Variants in SETBP1 observed in about 807,000 individuals in gnomAD.
SETBP1 encodes SET binding protein 1, also known as SET-binding protein.
SETBP1 carries 9 observed loss-of-function variants against 101.0 expected under a neutral mutation model. The observed-to-expected ratio is 0.09, with a 90% CI of 0.05 to 0.16. SETBP1 has a LOEUF of 0.16. Among genes scored for constraint, SETBP1 ranks in the 10% least tolerant of loss-of-function variants. The pLI is 1.00. For missense variants in SETBP1, 1,858 were observed against 2,033.8 expected (o/e 0.91, Z 1.66); for synonymous variants, 818 against 788.5 (o/e 1.04, Z -0.63).
At chr18:44,689,429 C>T (rs1323356311) in intron 1 of SETBP1, among the ~76,000 whole-genome samples, 1 of 152,126 alleles carries the variant, frequency 6.6e-6, no homozygotes, top group East Asian at 1.9e-4. Context: ...ACTCAATGTG[C>T]CTGTTATAAT....
chr18:45,003,717 A>G (rs1232768023), intron 4 of SETBP1, among the ~76,000 whole-genome samples: 1 of 152,068 alleles, frequency 6.6e-6, no homozygotes, highest in African/African-American at 2.4e-5. Flanking sequence ...CAGTAATCTG[A>G]AAGTCTTTTT....
chr18:44,974,436 C>T (rs1013958707), intron 4 of SETBP1, among the ~76,000 whole-genome samples: 6 of 152,118 alleles, frequency 3.9e-5, no homozygotes, highest in African/African-American at 1.4e-4. Flanking sequence ...TGCAGGACTG[C>T]AGAAAGGCAA....
intron 5 of SETBP1, among the ~76,000 whole-genome samples, chr18:45,057,605 T>C (rs183102526): frequency 2.6e-5 from 4 of 152,288 alleles, no homozygotes; most frequent in Admixed American, 6.5e-5. Flanking sequence ...TCCGCCTTGA[T>C]TGAAGCACAA....
rs770426100 is a variant in SETBP1, at chr18:44,951,401, C to T, written c.2061C>T (p.Ser687=). The part of the protein sequence containing the change: ...ILNQILSCSS[S]VALKAKAPPE... ...ATCAGATCTTGTCCTGTTCCAGCAG[C>T]GTTGCTCTGAAGGCAAAAGCTCCCC... is the stretch of plus-strand genomic sequence containing the variant. The change falls in exon 4 of 6, where the codon AGC becomes AGT. Residue 687 remains serine, a synonymous_variant. Coordinates refer to ENST00000649279, the MANE Select transcript of SETBP1 (RefSeq NM_015559.3). This position sits in a 1 kb window ranked among gnomAD's most constrained non-coding sequence, Gnocchi z 7.8. 20 of 1,614,008 alleles carry T rather than the reference C, an allele frequency of 1.2e-5. No individual in the cohort carries two copies. Among genetic ancestry groups the T allele is most frequent in the Admixed American group, 3.3e-5 (2 of 59,998 alleles).
intron 4 of SETBP1, among the ~76,000 whole-genome samples, chr18:44,993,081 G>A (rs2072414084): frequency 6.6e-6 from 1 of 151,994 alleles, no homozygotes; most frequent in African/African-American, 2.4e-5. Context: ...AATTGATGCA[G>A]AAGTCATTCA....
chr18:44,877,277 A>T (rs969105462), intron 3 of SETBP1: 4 of 672,372 alleles, frequency 5.9e-6, no homozygotes, highest in Non-Finnish European at 7.3e-6. Context: ...GTCTTATAGT[A>T]TTTTACCAAA....
intron 4 of SETBP1, among the ~76,000 whole-genome samples, chr18:45,029,807 T>C (rs1191408515): frequency 6.6e-6 from 1 of 152,180 alleles, no homozygotes; most frequent in Admixed American, 6.5e-5. Flanking sequence ...TTTGGCTCTC[T>C]GTTTGTCTGT....
intron 3 of SETBP1, among the ~76,000 whole-genome samples, chr18:44,929,672 T>C (rs992377387): frequency 6.6e-6 from 1 of 152,222 alleles, no homozygotes; most frequent in Non-Finnish European, 1.5e-5. Context: ...GTTGGATTCC[T>C]AGGTATTTTA....
chr18:44,691,993 G>C (rs1275831073), intron 1 of SETBP1, among the ~76,000 whole-genome samples: 2 of 152,186 alleles, frequency 1.3e-5, no homozygotes, highest in Non-Finnish European at 2.9e-5. Flanking sequence ...TTTCCTCCAT[G>C]AGACAAACTG....
At chr18:44,691,172 C>T (rs978988308) in intron 1 of SETBP1, among the ~76,000 whole-genome samples, 17 of 152,072 alleles carry the variant, frequency 1.1e-4, no homozygotes, top group African/African-American at 3.6e-4. Context: ...ATATATACCT[C>T]GATTTGATTG....
chr18:45,064,954 A>G lies in SETBP1; in HGVS notation c.*1256A>G, dbSNP rs1265030994. 6.6e-6 allele frequency: 1 copy of G among 152,262 alleles called. No homozygotes were observed. Among genetic ancestry groups the G allele is most frequent in the Non-Finnish European group, 1.5e-5 (1 of 68,042 alleles). 9.4% of individuals were successfully genotyped at this position (152,262 alleles called of 1,614,324 possible). A position where few individuals can be genotyped will look rare whatever the true frequency, so the allele number is the denominator to read the frequency against. On this transcript the variant is annotated 3_prime_UTR_variant, in exon 6 of 6. Coordinates refer to ENST00000649279, the MANE Select transcript of SETBP1 (RefSeq NM_015559.3). The stretch of plus-strand genomic sequence containing the variant: ...CAAAGGGTATCACCACTTCAATTTT[A>G]TCAAGCCACCTTGGACAAAGTATCC...
chr18:44,803,342 C>T (rs561345358), intron 2 of SETBP1, among the ~76,000 whole-genome samples: 1 of 152,250 alleles, frequency 6.6e-6, no homozygotes, highest in East Asian at 1.9e-4. Flanking sequence ...AACGTTTCTT[C>T]AGGACTCTGC....
At chr18:44,707,201 A>G (rs1435572235) in intron 2 of SETBP1, among the ~76,000 whole-genome samples, 3 of 152,162 alleles carry the variant, frequency 2.0e-5, no homozygotes, top group Non-Finnish European at 1.5e-5. Context: ...CACACCCTAT[A>G]AAAGTAAAGG....
intron 2 of SETBP1, among the ~76,000 whole-genome samples, chr18:44,799,493 G>A (rs537558740): frequency 1.1e-4 from 16 of 152,260 alleles, no homozygotes; most frequent in East Asian, 9.7e-4. Context: ...GCACTCTTGC[G>A]CATGTGTGTG....
At chr18:44,785,093 T>G (rs983211878) in intron 2 of SETBP1, among the ~76,000 whole-genome samples, 2 of 152,188 alleles carry the variant, frequency 1.3e-5, no homozygotes, top group African/African-American at 4.8e-5. Flanking sequence ...AGGAAGCCAA[T>G]TTTAGGAGCA....
At chr18:44,807,829 A>G (rs1204334797) in intron 2 of SETBP1, among the ~76,000 whole-genome samples, 1 of 152,156 alleles carries the variant, frequency 6.6e-6, no homozygotes, top group Non-Finnish European at 1.5e-5. Context: ...TGGAATTCAC[A>G]AGGGCATGGT....
At chr18:44,880,853 T>A (rs1046249926) in intron 3 of SETBP1, among the ~76,000 whole-genome samples, 5 of 152,108 alleles carry the variant, frequency 3.3e-5, no homozygotes, top group African/African-American at 1.2e-4. Context: ...AGGCTCCACC[T>A]CCAAGTTTGA....
chr18:44,855,177 A>G (rs1168948179), intron 2 of SETBP1, among the ~76,000 whole-genome samples: 1 of 152,054 alleles, frequency 6.6e-6, no homozygotes, highest in Non-Finnish European at 1.5e-5. Context: ...TATTATAATT[A>G]ACAGGTTATA....
At chr18:44,792,394 C>T (rs867615010) in intron 2 of SETBP1, among the ~76,000 whole-genome samples, 1 of 152,160 alleles carries the variant, frequency 6.6e-6, no homozygotes, top group Admixed American at 6.5e-5. Flanking sequence ...GGAGCCAGAG[C>T]GTAAGGTAAA....
Sources: allele counts gnomAD v4.1 joint callset (sites outside exome capture counted in the v4.1 genomes callset), GRCh38; gene constraint gnomAD v4.1.1; non-coding constraint Gnocchi (gnomAD v3.1); transcripts MANE v1.5; gene names NCBI Gene and HGNC (gene_info 2026-07-23, HGNC 2026-07-21).